The following PIWIL1 variants were observed in gnomAD, a reference collection of about 807,000 sequenced individuals.
PIWIL1 encodes the protein piwi-like protein 1.
Under a neutral mutation model 114.4 loss-of-function variants are expected in PIWIL1, and 73 were observed. The observed-to-expected ratio is 0.64, with a 90% CI of 0.53 to 0.78. The LOEUF (loss-of-function observed/expected upper bound fraction) is 0.78. Among genes scored for constraint, PIWIL1 ranks in the 30% least tolerant of loss-of-function variants. The pLI, the probability that PIWIL1 is intolerant of heterozygous loss-of-function variation, is 0.00. For synonymous variants in PIWIL1, 375 were observed against 369.0 expected (o/e 1.02, Z -0.19); for missense variants, 723 against 1,063.1 (o/e 0.68, Z 4.45).
intron 18 of PIWIL1, among the ~76,000 whole-genome samples, chr12:130,363,950 C>T (rs966626612): frequency 6.6e-6 from 1 of 152,056 alleles, no homozygotes; most frequent in African/African-American, 2.4e-5. Flanking sequence ...TGTGGACAGC[C>T]GAGGATGGTA....
chr12:130,373,450 G>A (rs910582680), downstream of PIWIL1, among the ~76,000 whole-genome samples: 3 of 152,144 alleles, frequency 2.0e-5, no homozygotes, highest in Non-Finnish European at 2.9e-5. Context: ...GGTGTCCAGA[G>A]ACCCCACTAT....
chr12:130,414,358 G>A, the PIWIL1 span: 1 of 1,500,336 alleles, frequency 6.7e-7, no homozygotes, highest in Non-Finnish European at 8.9e-7. Flanking sequence ...TAACTGAGGA[G>A]CGTGCACGGG....
At chr12:130,389,905 T>G in the PIWIL1 span, among the ~76,000 whole-genome samples, 11 of 152,228 alleles carry the variant, frequency 7.2e-5, no homozygotes, top group Non-Finnish European at 1.5e-4. Context: ...AATCCAGCTC[T>G]CTCTCTCTAT....
At chr12:130,417,831 T>C in the PIWIL1 span, among the ~76,000 whole-genome samples, 1 of 152,024 alleles carries the variant, frequency 6.6e-6, no homozygotes, top group Non-Finnish European at 1.5e-5. Context: ...TAGATAGATG[T>C]GTACATATGT....
chr12:130,395,020 G>C, the PIWIL1 span, among the ~76,000 whole-genome samples: 5,494 of 152,256 alleles, frequency 0.036, 170 homozygotes, highest in South Asian at 0.13. Flanking sequence ...TGGCAGGGGA[G>C]GGGGAGCAGC....
At chr12:130,342,401 G>C in intron 1 of PIWIL1, 179 bp from the exon 2 acceptor site, 1 of 605,460 alleles carries the variant, frequency 1.7e-6, no homozygotes, top group Non-Finnish European at 3.0e-6. Context: ...AAGCAACTGA[G>C]TTTGTTGAAT....
chr12:130,417,386 C>T, the PIWIL1 span, among the ~76,000 whole-genome samples: 1 of 152,236 alleles, frequency 6.6e-6, no homozygotes, highest in Non-Finnish European at 1.5e-5. Flanking sequence ...GCGTATACCA[C>T]ATGGAATGCT....
At chr12:130,392,922 T>TGC in the PIWIL1 span, among the ~76,000 whole-genome samples, 14 of 11,524 alleles carry the variant, frequency 1.2e-3, 1 homozygote, top group Non-Finnish European at 2.4e-3. Context: ...ATCACGTGTC[T>TGC]GTCAGTTACC....
chr12:130,407,349 C>T, the PIWIL1 span, among the ~76,000 whole-genome samples: 1 of 152,226 alleles, frequency 6.6e-6, no homozygotes, highest in African/African-American at 2.4e-5. Flanking sequence ...CTCTACTGTT[C>T]TATGTGTGGG....
At chr12:130,423,397 T>G in the PIWIL1 span, among the ~76,000 whole-genome samples, 1 of 152,218 alleles carries the variant, frequency 6.6e-6, no homozygotes, top group Non-Finnish European at 1.5e-5. Context: ...GCACACGGCC[T>G]CAGACCCAAG....
rs922013880 is a variant in PIWIL1 at position 130,346,357 on chromosome 12, C to A, written c.317-13C>A. ...TTGATATTTTGTTAATTGACTATAA[C>A]TTCCTTTTCCAGGTTCTTCAGGCAT... On this transcript the variant is annotated splice_polypyrimidine_tract_variant and intron_variant, in intron 4 of 20. Transcript: ENST00000245255. 2 of 1,593,646 alleles carry A rather than the reference C, an allele frequency of 1.3e-6. No homozygotes were observed. The highest frequency in any genetic ancestry group is 2.2e-5 in the South Asian group (2 of 89,542).
chr12:130,387,869 T>A, the PIWIL1 span, among the ~76,000 whole-genome samples: 1 of 152,274 alleles, frequency 6.6e-6, no homozygotes, highest in South Asian at 2.1e-4. Context: ...ATTTACAGCA[T>A]ATCCTTGTCC....
intron 5 of PIWIL1, 86 bp downstream of exon 5, chr12:130,346,670 GC>G: frequency 9.0e-7 from 1 of 1,114,682 alleles, no homozygotes. Flanking sequence ...TTTTAGAGAG[GC>G]CCCAGGAGTC....
At chr12:130,406,790 G>GT in the PIWIL1 span, among the ~76,000 whole-genome samples, 1 of 152,158 alleles carries the variant, frequency 6.6e-6, no homozygotes, top group Non-Finnish European at 1.5e-5. Context: ...GGGACTACAG[G>GT]TGTGTGCCAC....
At chr12:130,377,043 T>G (rs2073872329), downstream of PIWIL1, among the ~76,000 whole-genome samples, 1 of 152,196 alleles carries the variant, frequency 6.6e-6, no homozygotes. Flanking sequence ...CCACCCCCTG[T>G]GAGCGTGCAG....
chr12:130,399,177 T>A, the PIWIL1 span: 2 of 1,352,088 alleles, frequency 1.5e-6, no homozygotes, highest in Non-Finnish European at 1.9e-6. Context: ...TCCAAGCAGA[T>A]GAGCAAAGAA....
chr12:130,415,915 T>C, the PIWIL1 span, among the ~76,000 whole-genome samples: 1 of 151,998 alleles, frequency 6.6e-6, no homozygotes, highest in African/African-American at 2.4e-5. Flanking sequence ...AATAAATTGT[T>C]CAAGCTGAGA....
the PIWIL1 span, among the ~76,000 whole-genome samples, chr12:130,401,804 A>G: frequency 6.6e-6 from 1 of 152,168 alleles, no homozygotes; most frequent in South Asian, 2.1e-4. Context: ...TTTCTCTGCC[A>G]GCCTTAGAAA....
At position 130,338,121 on chromosome 12, in the gene PIWIL1, G is replaced by A; in HGVS notation, c.-38G>A. ...CCTCGGGCTGAGGTGCAAGGACCAG[G>A]ACTAGGGCGAGGGCAGCGGTCCAAG... On this transcript the variant is annotated 5_prime_UTR_variant, in exon 1 of 21. Transcript: ENST00000245255. 1.0e-5 allele frequency: 3 copies of A among 299,864 alleles called. No individual in the cohort carries two copies. The highest frequency in any genetic ancestry group is 7.9e-5 in the South Asian group (3 of 38,184). 18.6% of individuals were successfully genotyped at this position (299,864 alleles called of 1,614,324 possible).
Sources: gnomAD v4.1 joint callset for allele counts (sites outside exome capture counted in the v4.1 genomes callset) on GRCh38, gnomAD v4.1.1 for gene constraint, MANE v1.5 for transcripts, NCBI Gene and HGNC (gene_info 2026-07-23, HGNC 2026-07-21) for gene names.